IMMP1L: variants seen among roughly 807,000 people sequenced by gnomAD.
IMMP1L encodes the protein mitochondrial inner membrane protease subunit 1.
In IMMP1L, 24 loss-of-function variants were observed where a neutral mutation model predicts 21.8. The ratio of observed to expected loss-of-function variants is 1.10; its 90% CI spans 0.80 to 1.55. The LOEUF is 1.55. IMMP1L is among the 40% of genes most tolerant of loss of function. The pLI, the probability that IMMP1L is intolerant of heterozygous loss-of-function variation, is 0.00. For synonymous variants in IMMP1L, 46 were observed against 62.8 expected, an observed-to-expected ratio of 0.73 and a Z score of 1.26; for missense variants, 195 against 200.7, an observed-to-expected ratio of 0.97 and a Z score of 0.17.
chr11:31,450,617 T>C (rs1165687354), intron 4 of IMMP1L, among the ~76,000 whole-genome samples: 1 of 152,236 alleles, frequency 6.6e-6, no homozygotes, highest in East Asian at 1.9e-4. Context: ...TGTCATAAGG[T>C]GGTCAGGTAG....
intron 2 of IMMP1L, 48 bp from the exon 3 acceptor site, chr11:31,460,762 T>C: frequency 2.5e-6 from 3 of 1,221,410 alleles, no homozygotes; most frequent in Non-Finnish European, 3.6e-6. Flanking sequence ...CTCTTTTAAA[T>C]TTAACATAAA....
chr11:31,500,187 G>T (rs1955573723), intron 1 of IMMP1L, among the ~76,000 whole-genome samples: 1 of 151,788 alleles, frequency 6.6e-6, no homozygotes, highest in Admixed American at 6.6e-5. Flanking sequence ...TTAGGCTAAA[G>T]ATTTGATGGG....
chr11:31,479,640 G>T (rs1954827228), intron 1 of IMMP1L, among the ~76,000 whole-genome samples: 1 of 151,984 alleles, frequency 6.6e-6, no homozygotes, highest in African/African-American at 2.4e-5. Context: ...ACACACATTG[G>T]ACTCTGAAGA....
At chr11:31,446,546 C>T (rs540498963) in intron 4 of IMMP1L, among the ~76,000 whole-genome samples, 1 of 152,170 alleles carries the variant, frequency 6.6e-6, no homozygotes, top group African/African-American at 2.4e-5. Context: ...TAACAGACTA[C>T]CATGCTTGGC....
chr11:31,471,488 T>C (rs1954548610), intron 1 of IMMP1L, among the ~76,000 whole-genome samples: 1 of 152,258 alleles, frequency 6.6e-6, no homozygotes, highest in South Asian at 2.1e-4. Context: ...TTAAAATATA[T>C]ATATTTAGAT....
At chr11:31,479,666 G>A (rs1954828418) in intron 1 of IMMP1L, among the ~76,000 whole-genome samples, 1 of 151,850 alleles carries the variant, frequency 6.6e-6, no homozygotes, top group African/African-American at 2.4e-5. Context: ...TACAAAAGAG[G>A]GAAAGTATTT....
At chr11:31,484,802 CA>C (rs1955019991) in intron 1 of IMMP1L, among the ~76,000 whole-genome samples, 1 of 151,882 alleles carries the variant, frequency 6.6e-6, no homozygotes, top group African/African-American at 2.4e-5. Flanking sequence ...GTTTATAAGG[CA>C]ATTTCCAACG....
intron 1 of IMMP1L, among the ~76,000 whole-genome samples, chr11:31,496,922 A>G (rs1025510084): frequency 6.8e-6 from 1 of 148,134 alleles, no homozygotes; most frequent in Non-Finnish European, 1.5e-5. Flanking sequence ...AATCTTATAT[A>G]TTATATACAA....
At chr11:31,481,049 C>T (rs1488998964) in intron 1 of IMMP1L, among the ~76,000 whole-genome samples, 1 of 152,004 alleles carries the variant, frequency 6.6e-6, no homozygotes, top group African/African-American at 2.4e-5. Flanking sequence ...TACAGAAAAC[C>T]CCGCGTTCCA....
At chr11:31,492,832 C>T (rs191421222) in intron 1 of IMMP1L, among the ~76,000 whole-genome samples, 4 of 152,274 alleles carry the variant, frequency 2.6e-5, no homozygotes, top group East Asian at 1.9e-4. Flanking sequence ...TACATGGGCA[C>T]GGTTTCTGGT....
At position 31,453,238 on chromosome 11, in the gene IMMP1L, T is replaced by G. The variant is rs926594351; in HGVS notation, c.321+3022A>C. On this transcript the variant is annotated intron_variant, in intron 4 of 5. Transcript: ENST00000532287. Reference sequence around the variant, plus strand: ...ACTACATCACTTAACCAATGATTTGTTTATGTTCTTTTCTGCCAACCTACA... The same window carrying G: ...ACTACATCACTTAACCAATGATTTGGTTATGTTCTTTTCTGCCAACCTACA... 4 of 533,370 alleles carry G rather than the reference T, an allele frequency of 7.5e-6. No individual in the cohort carries two copies. In the South Asian group the frequency reaches 8.2e-5, roughly 11 times the overall value. 33.0% of individuals were successfully genotyped at this position (533,370 alleles called of 1,614,324 possible).
At chr11:31,468,503 C>T (rs1954437182) in intron 1 of IMMP1L, among the ~76,000 whole-genome samples, 1 of 152,052 alleles carries the variant, frequency 6.6e-6, no homozygotes, top group Non-Finnish European at 1.5e-5. Flanking sequence ...ATGTGCATTG[C>T]ACTATTTTTT....
chr11:31,457,545 A>G (rs1953988609), intron 3 of IMMP1L, among the ~76,000 whole-genome samples: 1 of 152,226 alleles, frequency 6.6e-6, no homozygotes, highest in Non-Finnish European at 1.5e-5. Context: ...CATAAGAATA[A>G]AAGGAAAATT....
chr11:31,482,065 C>A (rs1243848180), intron 1 of IMMP1L, among the ~76,000 whole-genome samples: 1 of 152,140 alleles, frequency 6.6e-6, no homozygotes, highest in Non-Finnish European at 1.5e-5. Flanking sequence ...TACATTAAAA[C>A]TGCACATAAG....
chr11:31,496,586 C>T (rs1189463168), intron 1 of IMMP1L, among the ~76,000 whole-genome samples: 1 of 151,650 alleles, frequency 6.6e-6, no homozygotes, highest in African/African-American at 2.4e-5. Context: ...AGTCTATCAA[C>T]AGATGAATGG....
At chr11:31,433,983 C>A (rs1953024184) in intron 4 of IMMP1L, among the ~76,000 whole-genome samples, 1 of 152,062 alleles carries the variant, frequency 6.6e-6, no homozygotes, top group Non-Finnish European at 1.5e-5. Context: ...ATCCTGGGGC[C>A]AATACCAAAG....
At chr11:31,502,966 T>C (rs1267000302) in intron 1 of IMMP1L, among the ~76,000 whole-genome samples, 2 of 152,232 alleles carry the variant, frequency 1.3e-5, no homozygotes, top group Admixed American at 1.3e-4. Flanking sequence ...ATTTACCCTA[T>C]TACACTGCAC....
chr11:31,482,814 A>T (rs535692136), intron 1 of IMMP1L, among the ~76,000 whole-genome samples: 24 of 152,160 alleles, frequency 1.6e-4, no homozygotes, highest in African/African-American at 5.8e-4. Context: ...GAACATATAT[A>T]TGTTGCTGAC....
rs117902058 is a variant in IMMP1L, at chr11:31,502,104, G to T, written c.-30+7415C>A. Among the ~76,000 whole-genome samples the T allele has an allele frequency of 3.8e-3, 577 of 152,228 alleles. 31 individuals are homozygous for T. The East Asian group carries it at 0.1, about 26-fold the overall frequency. ...AAGTCAGAGAGAAAAAATCCGAACT[G>T]AGAGAAAATTCAAAGATATAGTACT... On this transcript the variant is annotated intron_variant, in intron 1 of 5. Transcript: ENST00000532287.
Sources: gnomAD v4.1 joint callset for allele counts (sites outside exome capture counted in the v4.1 genomes callset) on GRCh38, gnomAD v4.1.1 for gene constraint, MANE v1.5 for transcripts, NCBI Gene and HGNC (gene_info 2026-07-23, HGNC 2026-07-21) for gene names.